Variants in STAM2 observed in about 807,000 individuals in gnomAD.
STAM2 encodes the protein signal transducing adapter molecule 2.
A neutral mutation model predicts 65.6 loss-of-function variants in STAM2; 51 were observed. That is an observed-to-expected ratio of 0.78 (90% CI 0.62 to 0.98). The LOEUF (loss-of-function observed/expected upper bound fraction) is 0.98. Among genes scored for constraint, STAM2 ranks in the 50% least tolerant of loss-of-function variants. The pLI is 0.00. For missense variants in STAM2, 584 were observed against 617.8 expected (o/e 0.95, Z 0.58); for synonymous variants, 198 against 208.4 (o/e 0.95, Z 0.43).
intron 1 of STAM2, among the ~76,000 whole-genome samples, chr2:152,154,777 A>T (rs1689512187): frequency 6.6e-6 from 1 of 152,188 alleles, no homozygotes; most frequent in Non-Finnish European, 1.5e-5. Flanking sequence ...CATAATAAAC[A>T]TCTGCCCACA....
At chr2:152,156,644 A>G (rs1689559733) in intron 1 of STAM2, among the ~76,000 whole-genome samples, 1 of 152,220 alleles carries the variant, frequency 6.6e-6, no homozygotes, top group African/African-American at 2.4e-5. Context: ...TTCTAACAAT[A>G]TGATAAAGAA....
At chr2:152,136,294 T>C (rs1249641499) in intron 7 of STAM2, among the ~76,000 whole-genome samples, 1 of 151,308 alleles carries the variant, frequency 6.6e-6, no homozygotes, top group African/African-American at 2.4e-5. Flanking sequence ...AATACAAAAA[T>C]TAGCCGGGTG....
chr2:152,132,811 T>C (rs2105535383), intron 10 of STAM2, among the ~76,000 whole-genome samples: 1 of 152,306 alleles, frequency 6.6e-6, no homozygotes, highest in Admixed American at 6.5e-5. Context: ...ACAATTATCA[T>C]GTATAATTTT....
In STAM2 at chr2:152,147,294, T is replaced by C. The variant is rs762520033; in HGVS notation, c.315A>G (p.Val105=). ...AVIKNKAHPK[V]CEKLKSLMVE... is the part of the protein sequence containing the mutation. ...CCATTAAAGATTTCAGTTTTTCACA[T>C]ACTTTAGGATGTGCCTTTTAAGGAA... The change falls in exon 5 of 14, where the codon GTA becomes GTG. Residue 105 remains valine (V), a synonymous_variant. Coordinates refer to ENST00000263904, the MANE Select transcript of STAM2 (RefSeq NM_005843.6). 9.5e-6 allele frequency: 15 copies of C among 1,574,096 alleles called. No homozygotes were observed. The highest frequency in any genetic ancestry group is 1.0e-5 in the Non-Finnish European group (12 of 1,165,462).
intron 1 of STAM2, among the ~76,000 whole-genome samples, chr2:152,151,468 G>A (rs907808977): frequency 6.6e-6 from 1 of 152,124 alleles, no homozygotes; most frequent in Non-Finnish European, 1.5e-5. Flanking sequence ...ACAGACATAA[G>A]CCACCGCACC....
In STAM2 at chr2:152,175,668, C is replaced by T. The variant is rs758920511; in HGVS notation, c.-26G>A. The T allele has an allele frequency of 6.2e-7, 1 of 1,603,338 alleles. No individual in the cohort carries two copies. The highest frequency in any genetic ancestry group is 1.7e-5 in the Admixed American group (1 of 58,384). On this transcript the variant is annotated 5_prime_UTR_variant, in exon 1 of 14. Coordinates refer to ENST00000263904, the MANE Select transcript of STAM2 (RefSeq NM_005843.6). Reference sequence around the variant, plus strand: ...CTCGCCGGCGCCCGAGCCCTAGTCGCTGCTGTCTAGCTGACACTCAGCAAC... The same window carrying T: ...CTCGCCGGCGCCCGAGCCCTAGTCGTTGCTGTCTAGCTGACACTCAGCAAC...
intron 2 of STAM2, among the ~76,000 whole-genome samples, chr2:152,149,908 G>GA (rs960316497): frequency 4.6e-5 from 7 of 151,358 alleles, no homozygotes; most frequent in Admixed American, 2.6e-4. Context: ...GTAAGCTAGA[G>GA]AAAAAAAAAT....
rs1477795866 is a variant in STAM2 at position 152,132,171 on chromosome 2, G to A, written c.971-3C>T. 1.2e-6 allele frequency: 2 copies of A among 1,604,660 alleles called. No homozygotes were observed. Among genetic ancestry groups the A allele is most frequent in the South Asian group, 2.2e-5 (2 of 89,448 alleles). On this transcript the variant is annotated splice_polypyrimidine_tract_variant and splice_region_variant and intron_variant, in intron 10 of 13. Coordinates refer to ENST00000263904, the MANE Select transcript of STAM2 (RefSeq NM_005843.6). ...TGGACCCATCTGTTGGCAGATATCT[G>A]TAAATACAAAAATACTTACAAATAT...
chr2:152,159,903 A>G (rs1478448527), intron 1 of STAM2, among the ~76,000 whole-genome samples: 3 of 151,996 alleles, frequency 2.0e-5, no homozygotes, highest in African/African-American at 4.8e-5. Context: ...TGGTTTTCCT[A>G]TTTTTTTGGT....
Position 152,133,259 on chromosome 2 carries a change from T to C in STAM2, c.884A>G (p.Asp295Gly), listed in dbSNP as rs760197639. The C allele has an allele frequency of 6.2e-7, 1 of 1,605,104 alleles. No individual in the cohort carries two copies. Among genetic ancestry groups the C allele is most frequent in the South Asian group, 1.1e-5 (1 of 89,022 alleles). The change falls in exon 10 of 14, where the codon GAT (aspartate) becomes GGT (glycine). Residue 295 changes from aspartate to glycine, a missense_variant and splice_region_variant. Coordinates refer to ENST00000263904, the MANE Select transcript of STAM2 (RefSeq NM_005843.6). Reference protein sequence around the residue: ...SEPEPVYIDEDKMDRALQVLQ... With the variant: ...SEPEPVYIDEGKMDRALQVLQ... ...TACCTGCAGGGCTCTATCCATCTTA[T>C]CCTAAAAAAGTAACAGGACACTTTT...
chr2:152,148,581 G>T (rs1302090178), intron 2 of STAM2, among the ~76,000 whole-genome samples: 1 of 152,138 alleles, frequency 6.6e-6, no homozygotes, highest in African/African-American at 2.4e-5. Flanking sequence ...GAGGCAAGAG[G>T]ACTGCTTGAG....
intron 1 of STAM2, among the ~76,000 whole-genome samples, chr2:152,154,988 A>G (rs1689515252): frequency 6.6e-6 from 1 of 152,212 alleles, no homozygotes; most frequent in Middle Eastern, 3.2e-3. Flanking sequence ...TAAATATAAA[A>G]TAATTAGGAA....
intron 13 of STAM2, among the ~76,000 whole-genome samples, chr2:152,122,076 ATGTGTG>A (rs997181475): frequency 8.7e-5 from 9 of 103,732 alleles, no homozygotes; most frequent in African/African-American, 1.6e-4. Context: ...ATATATATAT[ATGTGTG>A]TGTGTGTGTG....
Position 152,132,240 on chromosome 2 carries a change from A to G in STAM2, c.971-72T>C, listed in dbSNP as rs186353534. On this transcript the variant is annotated intron_variant, in intron 10 of 13. Coordinates refer to ENST00000263904, the MANE Select transcript of STAM2 (RefSeq NM_005843.6). ...AAGCCAATTTCAACAATTTTTAACA[A>G]TATAGCACCAATATACAACACTATG... The G allele has an allele frequency of 1.1e-3, 1,241 of 1,094,376 alleles. 2 individuals carry two copies. Among genetic ancestry groups the G allele is most frequent in the Non-Finnish European group, 1.5e-3 (1,056 of 724,188 alleles). 67.8% of individuals were successfully genotyped at this position (1,094,376 alleles called of 1,614,324 possible).
Position 152,143,850 on chromosome 2 carries a change from T to C in STAM2, c.681A>G (p.Glu227=). 6.2e-7 allele frequency: 1 copy of C among 1,609,390 alleles called. No homozygotes were observed. Among genetic ancestry groups the C allele is most frequent in the Non-Finnish European group, 8.5e-7 (1 of 1,178,220 alleles). ...ACCTGTCATCCAAAACAATAATTAT[T>C]TCACCATGTTTAAAGGTGAGTTCAT... is the stretch of plus-strand genomic sequence containing the variant. ...EDNELTFKHG[E]IIIVLDDSDA... is the part of the protein sequence containing the mutation. Residue 227 remains glutamate (E), a synonymous_variant, in exon 7 of 14, where the codon GAA becomes GAG. Transcript: ENST00000263904.
Position 152,123,935 on chromosome 2 carries a change from T to C in STAM2, c.1180A>G (p.Thr394Ala). ...PPASSGVPMQ[T>A]YPVQSHGGNY... is the part of the protein sequence containing the mutation. Reference sequence around the variant, plus strand: ...CCACCATGTGATTGAACTGGATATGTCTATTAATCAGAAAGAAAAAGTTGA... The same window carrying C: ...CCACCATGTGATTGAACTGGATATGCCTATTAATCAGAAAGAAAAAGTTGA... The change falls in exon 13 of 14, where the codon ACA (threonine) becomes GCA (alanine). Residue 394 changes from threonine (T) to alanine (A), a missense_variant and splice_region_variant. By Grantham distance (58) the Thr-to-Ala change is moderately conservative. Coordinates refer to ENST00000263904, the MANE Select transcript of STAM2 (RefSeq NM_005843.6). The C allele has an allele frequency of 6.2e-7, 1 of 1,610,814 alleles. No individual in the cohort carries two copies. The highest frequency in any genetic ancestry group is 8.5e-7 in the Non-Finnish European group (1 of 1,179,100).
chr2:152,139,210 TAG>T (rs1379427019), intron 7 of STAM2, among the ~76,000 whole-genome samples: 3 of 152,196 alleles, frequency 2.0e-5, no homozygotes, highest in Admixed American at 2.0e-4. Flanking sequence ...CATTTATATT[TAG>T]AGCTTTTTAT....
At chr2:152,174,742 G>A (rs1406042953) in intron 1 of STAM2, among the ~76,000 whole-genome samples, 1 of 152,190 alleles carries the variant, frequency 6.6e-6, no homozygotes, top group Non-Finnish European at 1.5e-5. Context: ...TCGGGAAGGG[G>A]AAACGGAGGT....
chr2:152,120,541 A>T lies in STAM2; in HGVS notation c.*33T>A, dbSNP rs200233333. ...ATCACAAGGACTGAATAATACACTT[A>T]TGAAGGCTTTCAAGAAAATGCTTGA... On this transcript the variant is annotated 3_prime_UTR_variant, in exon 14 of 14. Coordinates refer to ENST00000263904, the MANE Select transcript of STAM2 (RefSeq NM_005843.6). 6.3e-7 allele frequency: 1 copy of T among 1,590,332 alleles called. No individual in the cohort carries two copies. The highest frequency in any genetic ancestry group is 8.6e-7 in the Non-Finnish European group (1 of 1,159,856).
Sources: allele counts gnomAD v4.1 joint callset (sites outside exome capture counted in the v4.1 genomes callset), GRCh38; gene constraint gnomAD v4.1.1; transcripts MANE v1.5; gene names NCBI Gene and HGNC (gene_info 2026-07-23, HGNC 2026-07-21).